The following DPP6 variants were observed in gnomAD, a reference collection of about 807,000 sequenced individuals.
DPP6 encodes the protein dipeptidyl peptidase like 6.
In DPP6, 69 loss-of-function variants were observed where a neutral mutation model predicts 122.6. That is an observed-to-expected ratio of 0.56 (90% CI 0.46 to 0.69). The LOEUF (loss-of-function observed/expected upper bound fraction) is 0.69, where lower values mean the gene tolerates loss of function less well. Ranked by LOEUF, DPP6 falls within the 30% of genes least tolerant of loss-of-function variation. The pLI is 0.00. For synonymous variants in DPP6, 418 were observed against 433.1 expected (o/e 0.97, Z 0.43); for missense variants, 928 against 1,116.9 (o/e 0.83, Z 2.41).
At chr7:153,905,348 G>C (rs1343353628) in intron 1 of DPP6, among the ~76,000 whole-genome samples, 5 of 152,156 alleles carry the variant, frequency 3.3e-5, no homozygotes, top group Non-Finnish European at 7.3e-5. Context: ...AAGAGCAGGA[G>C]GGGGAGTGGG....
At chr7:154,431,794 A>G (rs1586252704) in intron 1 of DPP6, among the ~76,000 whole-genome samples, 1 of 151,800 alleles carries the variant, frequency 6.6e-6, no homozygotes, top group East Asian at 1.9e-4. Flanking sequence ...CAGCCTCCCA[A>G]AGTGCTGGGA....
chr7:153,823,823 TTA>T, the DPP6 span, among the ~76,000 whole-genome samples: 1 of 151,970 alleles, frequency 6.6e-6, no homozygotes. Flanking sequence ...TGAGAAATAA[TTA>T]TGTCTGTTTT....
intron 10 of DPP6, among the ~76,000 whole-genome samples, chr7:154,786,522 G>C (rs971500154): frequency 2.0e-5 from 3 of 152,094 alleles, no homozygotes; most frequent in African/African-American, 7.2e-5. Context: ...GTTTTATAAG[G>C]GGCTTTTTCC....
intron 10 of DPP6, among the ~76,000 whole-genome samples, chr7:154,788,443 CAAAAA>C (rs11364637): frequency 8.9e-6 from 1 of 112,012 alleles, no homozygotes. Flanking sequence ...GACTCTGCCT[CAAAAA>C]AAAAAAAAAA....
intron 22 of DPP6, 58 bp from the exon 23 acceptor site, chr7:154,887,618 G>C (rs1806265913): frequency 6.3e-7 from 1 of 1,587,230 alleles, no homozygotes; most frequent in African/African-American, 1.3e-5. Context: ...GAGTTTGGGG[G>C]CTGCGCTCAC....
rs182116520 is a variant in DPP6, at chr7:154,731,777, T to G, written c.883+3890T>G. Among the ~76,000 whole-genome samples the G allele has an allele frequency of 1.8e-4, 28 of 152,358 alleles. No individual in the cohort carries two copies. The East Asian group carries it at 5.2e-3, about 28-fold the overall frequency. On this transcript the variant is annotated intron_variant, in intron 8 of 25. Transcript: ENST00000377770. ...ATAGAGTCCTACAACTTTTTAAAGT[T>G]TATTAAAGTTTGTTTATTCATAAAC... is the stretch of plus-strand genomic sequence containing the variant.
intron 16 of DPP6, among the ~76,000 whole-genome samples, chr7:154,808,835 GCACA>G (rs1798856877): frequency 6.6e-6 from 1 of 152,174 alleles, no homozygotes; most frequent in Non-Finnish European, 1.5e-5. Context: ...GGCAGCTTCA[GCACA>G]CAGGAGGTCA....
In DPP6 at chr7:154,887,677, C is replaced by T. The variant is rs1256392591; in HGVS notation, c.2247C>T (p.Ala749=). ...CTCCCTCCCTTTGCTTCCGTGCAGC[C>T]TCTGCGTTTTCCGAGAGGTACTTGG... The part of the protein sequence containing the change: ...LSPITDFKLY[A]SAFSERYLGL... The change falls in exon 23 of 26, where the codon GCC becomes GCT. Residue 749 remains alanine (A), a splice_region_variant and synonymous_variant. Transcript: ENST00000377770. 3 of 1,613,792 alleles carry T rather than the reference C, an allele frequency of 1.9e-6. No individual in the cohort carries two copies. The highest frequency in any genetic ancestry group is 2.5e-6 in the Non-Finnish European group (3 of 1,179,804).
intron 1 of DPP6, among the ~76,000 whole-genome samples, chr7:154,369,158 C>T (rs1446485627): frequency 6.6e-6 from 1 of 152,126 alleles, no homozygotes; most frequent in African/African-American, 2.4e-5. Flanking sequence ...TGCAATGGCC[C>T]GATCTCTGCC....
the DPP6 span, among the ~76,000 whole-genome samples, chr7:153,799,099 G>T: frequency 2.0e-5 from 3 of 152,178 alleles, no homozygotes; most frequent in African/African-American, 7.2e-5. Context: ...GACTGGTACT[G>T]GGGGTCAAGG....
At chr7:154,794,968 A>C (rs1250160895) in intron 11 of DPP6, among the ~76,000 whole-genome samples, 1 of 152,052 alleles carries the variant, frequency 6.6e-6, no homozygotes, top group African/African-American at 2.4e-5. Context: ...TTTACTTGAG[A>C]GGCTCCTAAC....
intron 6 of DPP6, among the ~76,000 whole-genome samples, chr7:154,653,785 C>A (rs1586817632): frequency 6.6e-6 from 1 of 152,170 alleles, no homozygotes; most frequent in African/African-American, 2.4e-5. Flanking sequence ...GCTTCCCCGT[C>A]ATGTCTTCAT....
At chr7:154,455,880 G>A (rs1563699424) in intron 2 of DPP6, among the ~76,000 whole-genome samples, 1 of 152,184 alleles carries the variant, frequency 6.6e-6, no homozygotes, top group African/African-American at 2.4e-5. Flanking sequence ...CTTATGCTGG[G>A]ACCCTGGTTT....
chr7:153,807,385 G>A, the DPP6 span, among the ~76,000 whole-genome samples: 3 of 151,336 alleles, frequency 2.0e-5, no homozygotes, highest in African/African-American at 7.3e-5. Context: ...TGTGAGCCTG[G>A]GCCACAGAGC....
intron 1 of DPP6, chr7:154,058,607 T>A (rs528288501): frequency 2.7e-4 from 40 of 147,770 alleles, no homozygotes; most frequent in Non-Finnish European, 4.6e-4. Flanking sequence ...CCAGACCCTC[T>A]TCCCCCCCCA....
At chr7:154,671,375 G>A (rs1275937708) in intron 7 of DPP6, among the ~76,000 whole-genome samples, 3 of 152,198 alleles carry the variant, frequency 2.0e-5, no homozygotes, top group African/African-American at 7.2e-5. Flanking sequence ...CTTACTGAGT[G>A]ATCATTGTCC....
intron 1 of DPP6, among the ~76,000 whole-genome samples, chr7:154,036,297 GGGT>G (rs1267811034): frequency 2.8e-5 from 3 of 107,726 alleles, no homozygotes; most frequent in African/African-American, 1.1e-4. Context: ...TTTTAGCGGG[GGGT>G]TGGGGGCGGG....
At chr7:154,613,825 C>G (rs1448308246) in intron 5 of DPP6, among the ~76,000 whole-genome samples, 1 of 152,040 alleles carries the variant, frequency 6.6e-6, no homozygotes, top group African/African-American at 2.4e-5. Context: ...GCCACCCATT[C>G]CCCAAACGTC....
At chr7:154,766,113 A>G (rs985004257) in intron 8 of DPP6, among the ~76,000 whole-genome samples, 1 of 152,196 alleles carries the variant, frequency 6.6e-6, no homozygotes, top group Non-Finnish European at 1.5e-5. Context: ...GCAAGGAGCG[A>G]TGTGTTCAAG....
Sources: allele counts gnomAD v4.1 joint callset (sites outside exome capture counted in the v4.1 genomes callset), GRCh38; gene constraint gnomAD v4.1.1; transcripts MANE v1.5; gene names NCBI Gene and HGNC (gene_info 2026-07-23, HGNC 2026-07-21).